The following RABGAP1 variants were observed in gnomAD, a reference collection of about 807,000 sequenced individuals.
RABGAP1 encodes RAB GTPase activating protein 1.
RABGAP1 carries 23 observed loss-of-function variants against 137.6 expected under a neutral mutation model. The ratio of observed to expected loss-of-function variants is 0.17; its 90% CI spans 0.12 to 0.24. RABGAP1 has a LOEUF of 0.24. Among genes scored for constraint, RABGAP1 ranks in the 10% least tolerant of loss-of-function variants. The pLI is 1.00. For missense variants in RABGAP1, 906 were observed against 1,275.8 expected (o/e 0.71, Z 4.42); for synonymous variants, 451 against 450.7 (o/e 1.00, Z -0.01).
At chr9:122,953,108 C>T (rs1834337114) in intron 1 of RABGAP1, among the ~76,000 whole-genome samples, 1 of 152,154 alleles carries the variant, frequency 6.6e-6, no homozygotes, top group Non-Finnish European at 1.5e-5. Context: ...GACTAACAAT[C>T]AAATTAACTC....
intron 5 of RABGAP1, 175 bp downstream of exon 5, chr9:122,989,646 C>T: frequency 1.4e-6 from 1 of 700,962 alleles, no homozygotes; most frequent in East Asian, 2.8e-5. Flanking sequence ...ATTTGATTAA[C>T]TAGAACTTTG....
chr9:122,979,205 A>G (rs1031612769), intron 2 of RABGAP1, among the ~76,000 whole-genome samples: 2 of 152,158 alleles, frequency 1.3e-5, no homozygotes, highest in Non-Finnish European at 2.9e-5. Flanking sequence ...GACTATAGTC[A>G]TTCTTATAAG....
intron 13 of RABGAP1, chr9:123,029,547 G>T: frequency 1.3e-6 from 1 of 773,088 alleles, no homozygotes; most frequent in Non-Finnish European, 2.4e-6. Flanking sequence ...ACCACAACTG[G>T]AGTTATAAGT....
At chr9:122,965,819 G>A (rs28510812) in intron 2 of RABGAP1, among the ~76,000 whole-genome samples, 134 of 152,290 alleles carry the variant, frequency 8.8e-4, no homozygotes, top group African/African-American at 3.0e-3. Context: ...ATCTCAATAA[G>A]TCTTTTCTAA....
At chr9:122,998,917 C>G in intron 10 of RABGAP1, 151 bp downstream of exon 10, 1 of 484,120 alleles carries the variant, frequency 2.1e-6, no homozygotes, top group Non-Finnish European at 3.5e-6. Context: ...TACCCACCTA[C>G]TTGTCATTTT....
At chr9:122,992,300 G>C (rs1435776833) in intron 6 of RABGAP1, among the ~76,000 whole-genome samples, 2 of 152,078 alleles carry the variant, frequency 1.3e-5, no homozygotes, top group African/African-American at 2.4e-5. Flanking sequence ...GGGCCTCCCA[G>C]AGTGCTGGGA....
Position 123,082,190 on chromosome 9 carries a change from T to C in RABGAP1, c.2424+5428T>C, listed in dbSNP as rs1247733357. Reference sequence around the variant, plus strand: ...CCTCTTTCTCCTTAAAGTGAACTTATTATGGAACTGAAATGTTTTACTTAT... The same window carrying C: ...CCTCTTTCTCCTTAAAGTGAACTTACTATGGAACTGAAATGTTTTACTTAT... On this transcript the variant is annotated intron_variant, in intron 19 of 25. Transcript: ENST00000373647. Among the ~76,000 whole-genome samples, 4 of 152,174 alleles carry C rather than the reference T, an allele frequency of 2.6e-5. No individual in the cohort carries two copies. In the South Asian group the frequency reaches 6.2e-4, roughly 24 times the overall value.
At chr9:123,067,478 A>G (rs1421194385) in intron 14 of RABGAP1, among the ~76,000 whole-genome samples, 1 of 152,228 alleles carries the variant, frequency 6.6e-6, no homozygotes, top group African/African-American at 2.4e-5. Context: ...GAAAAGTCCT[A>G]GTTCATTTCC....
intron 6 of RABGAP1, 102 bp from the exon 7 acceptor site, chr9:122,995,939 C>T: frequency 6.8e-7 from 1 of 1,467,526 alleles, no homozygotes; most frequent in Non-Finnish European, 9.0e-7. Context: ...GCAAACTAGG[C>T]ACAGAAAAGA....
intron 13 of RABGAP1, among the ~76,000 whole-genome samples, chr9:123,040,011 A>G (rs1369670635): frequency 6.6e-6 from 1 of 152,176 alleles, no homozygotes; most frequent in Admixed American, 6.5e-5. Flanking sequence ...TTTTAGGGAA[A>G]GTTTAAGCAA....
intron 1 of RABGAP1, among the ~76,000 whole-genome samples, chr9:122,942,272 G>A (rs1833624339): frequency 6.6e-6 from 1 of 152,206 alleles, no homozygotes; most frequent in South Asian, 2.1e-4. Context: ...TAGGTACTAA[G>A]GAGGGTTCAT....
intron 13 of RABGAP1, among the ~76,000 whole-genome samples, chr9:123,054,117 T>A (rs2033599970): frequency 6.6e-6 from 1 of 152,226 alleles, no homozygotes. Context: ...ATCTGCACAA[T>A]CTATTTTAGG....
intron 14 of RABGAP1, among the ~76,000 whole-genome samples, chr9:123,068,864 T>A (rs532906812): frequency 5.9e-5 from 9 of 152,376 alleles, no homozygotes; most frequent in African/African-American, 1.9e-4. Context: ...CACTATATTT[T>A]GCCAAGAGTT....
rs79683008 is a variant in RABGAP1, at chr9:123,096,500, G to T, written c.2629-1241G>T. On this transcript the variant is annotated intron_variant, in intron 21 of 25. Coordinates refer to ENST00000373647, the MANE Select transcript of RABGAP1 (RefSeq NM_012197.4). ...TAAAAGAGTCACGCAATTTAATTGC[G>T]TGCATTTGCAGTTTGCCAGTAATTA... Among the ~76,000 whole-genome samples the T allele has an allele frequency of 3.9e-3, 590 of 152,328 alleles. 4 individuals are homozygous for T. Among genetic ancestry groups the T allele is most frequent in the African/African-American group, 0.014 (565 of 41,578 alleles).
chr9:122,951,027 A>G (rs1184985202), intron 1 of RABGAP1, among the ~76,000 whole-genome samples: 3 of 152,122 alleles, frequency 2.0e-5, no homozygotes, highest in Non-Finnish European at 2.9e-5. Flanking sequence ...ATTTTGTAGT[A>G]TTGATGGTTT....
intron 2 of RABGAP1, among the ~76,000 whole-genome samples, chr9:122,973,674 G>A (rs1044266441): frequency 1.3e-5 from 2 of 152,116 alleles, no homozygotes; most frequent in Non-Finnish European, 2.9e-5. Flanking sequence ...CAGTAATGCC[G>A]AAACTAATCT....
chr9:123,060,083 T>C (rs1254317467), intron 13 of RABGAP1, among the ~76,000 whole-genome samples: 2 of 152,174 alleles, frequency 1.3e-5, no homozygotes, highest in East Asian at 3.8e-4. Flanking sequence ...TTCACAAGAA[T>C]AGAGAACTGT....
At chr9:123,032,130 C>T (rs937931828) in intron 13 of RABGAP1, among the ~76,000 whole-genome samples, 2 of 152,136 alleles carry the variant, frequency 1.3e-5, no homozygotes, top group Non-Finnish European at 2.9e-5. Flanking sequence ...ACATGATGGG[C>T]AGGAAAACAC....
At chr9:123,079,248 T>G (rs927524699) in intron 19 of RABGAP1, among the ~76,000 whole-genome samples, 32 of 148,726 alleles carry the variant, frequency 2.2e-4, no homozygotes, top group Admixed American at 7.3e-4. Flanking sequence ...TGTTTTTTTT[T>G]TTTTTTTTTG....
Sources: allele counts gnomAD v4.1 joint callset (sites outside exome capture counted in the v4.1 genomes callset), GRCh38; gene constraint gnomAD v4.1.1; transcripts MANE v1.5; gene names NCBI Gene and HGNC (gene_info 2026-07-23, HGNC 2026-07-21).